The following MIPEP variants were observed in gnomAD, a reference collection of about 807,000 sequenced individuals.
The protein encoded by MIPEP is mitochondrial intermediate peptidase.
MIPEP carries 79 observed loss-of-function variants against 90.3 expected under a neutral mutation model. The ratio of observed to expected loss-of-function variants is 0.87; its 90% CI spans 0.73 to 1.05. The LOEUF (loss-of-function observed/expected upper bound fraction) is 1.05. Among genes scored for constraint, MIPEP ranks in the 50% least tolerant of loss-of-function variants. The probability of loss-of-function intolerance (pLI) is 0.00; values close to 1 mark genes in which losing one functional copy is unlikely to be tolerated. For missense variants in MIPEP, 940 were observed against 905.6 expected (o/e 1.04, Z -0.49); for synonymous variants, 334 against 315.8 (o/e 1.06, Z -0.61).
At chr13:23,824,711 C>A (rs1659907034) in intron 14 of MIPEP, among the ~76,000 whole-genome samples, 1 of 152,114 alleles carries the variant, frequency 6.6e-6, no homozygotes, top group African/African-American at 2.4e-5. Context: ...GGCACATAAT[C>A]AATAAAATAA....
intron 18 of MIPEP, among the ~76,000 whole-genome samples, chr13:23,753,857 G>C (rs1441987666): frequency 6.6e-6 from 1 of 152,080 alleles, no homozygotes; most frequent in Admixed American, 6.6e-5. Flanking sequence ...TTCCCTATTT[G>C]ACTTCTCTGA....
At chr13:23,748,028 T>C (rs1952402464) in intron 18 of MIPEP, among the ~76,000 whole-genome samples, 1 of 152,174 alleles carries the variant, frequency 6.6e-6, no homozygotes, top group African/African-American at 2.4e-5. Flanking sequence ...CATGAGCCAC[T>C]GTGCCTGGCC....
chr13:23,858,954 T>A, intron 9 of MIPEP, 42 bp from the exon 10 acceptor site: 1 of 1,556,114 alleles, frequency 6.4e-7, no homozygotes, highest in South Asian at 1.1e-5. Context: ...CTACTGACTC[T>A]TTCATAGTTT....
At chr13:23,889,047 A>G in intron 1 of MIPEP, 85 bp downstream of exon 1, 1 of 1,238,250 alleles carries the variant, frequency 8.1e-7, no homozygotes, top group Non-Finnish European at 1.0e-6. Flanking sequence ...AGGCCCAAAC[A>G]ATCTCGCCCT....
intron 14 of MIPEP, among the ~76,000 whole-genome samples, chr13:23,813,755 G>A (rs973863264): frequency 6.6e-6 from 1 of 152,088 alleles, no homozygotes; most frequent in Non-Finnish European, 1.5e-5. Flanking sequence ...ATGAGCCACC[G>A]TGTCCAGCCC....
At chr13:23,791,456 G>A (rs562483208) in intron 16 of MIPEP, among the ~76,000 whole-genome samples, 5 of 152,104 alleles carry the variant, frequency 3.3e-5, no homozygotes, top group African/African-American at 9.7e-5. Context: ...CCCTGCTTCC[G>A]ATTGACTGAG....
intron 10 of MIPEP, among the ~76,000 whole-genome samples, chr13:23,847,013 G>A (rs549816135): frequency 1.3e-5 from 2 of 152,030 alleles, no homozygotes; most frequent in African/African-American, 2.4e-5. Context: ...CCAAGGCTAC[G>A]ACAACAACTA....
intron 4 of MIPEP, among the ~76,000 whole-genome samples, chr13:23,878,273 A>G (rs1347419406): frequency 6.6e-6 from 1 of 152,232 alleles, no homozygotes; most frequent in African/African-American, 2.4e-5. Context: ...TAGCTTCACT[A>G]GTGTCCTGAG....
chr13:23,880,006 G>A (rs1871213006), intron 3 of MIPEP, among the ~76,000 whole-genome samples: 1 of 152,010 alleles, frequency 6.6e-6, no homozygotes, highest in South Asian at 2.1e-4. Flanking sequence ...CAAATGCCAT[G>A]GCCCCCTCAA....
chr13:23,881,241 C>T (rs1424728281), intron 3 of MIPEP, among the ~76,000 whole-genome samples: 1 of 152,186 alleles, frequency 6.6e-6, no homozygotes, highest in East Asian at 1.9e-4. Context: ...CTTCTCGCCC[C>T]GTGGCCCACA....
chr13:23,792,657 C>T (rs533240291), intron 16 of MIPEP, among the ~76,000 whole-genome samples: 22 of 152,312 alleles, frequency 1.4e-4, no homozygotes, highest in African/African-American at 4.8e-4. Context: ...GATGTCTGGC[C>T]GTCTTCTCCA....
At chr13:23,759,713 T>G (rs1275946860) in intron 17 of MIPEP, among the ~76,000 whole-genome samples, 1 of 152,196 alleles carries the variant, frequency 6.6e-6, no homozygotes, top group African/African-American at 2.4e-5. Flanking sequence ...TGCCTTGTTT[T>G]GCCTCCATTC....
intron 16 of MIPEP, 67 bp from the exon 17 acceptor site, chr13:23,760,284 A>G: frequency 6.2e-7 from 1 of 1,604,726 alleles, no homozygotes; most frequent in Non-Finnish European, 8.5e-7. Context: ...ATCACATGTG[A>G]GAACACAGTG....
At chr13:23,731,038 A>C (rs1216966031) in intron 18 of MIPEP, among the ~76,000 whole-genome samples, 1 of 152,240 alleles carries the variant, frequency 6.6e-6, no homozygotes, top group African/African-American at 2.4e-5. Flanking sequence ...AAGAAGATGT[A>C]GTAGAAGCAA....
At chr13:23,790,097 T>C (rs1952884537) in intron 16 of MIPEP, among the ~76,000 whole-genome samples, 1 of 152,196 alleles carries the variant, frequency 6.6e-6, no homozygotes, top group Non-Finnish European at 1.5e-5. Flanking sequence ...GGCTGGTTTC[T>C]CGCCAAATCC....
chr13:23,875,703 A>C (rs1274089988), intron 4 of MIPEP, among the ~76,000 whole-genome samples: 1 of 152,204 alleles, frequency 6.6e-6, no homozygotes, highest in Non-Finnish European at 1.5e-5. Flanking sequence ...GTGTACGTTT[A>C]TCGTATTACA....
chr13:23,734,246 T>C (rs1952235642), intron 18 of MIPEP, among the ~76,000 whole-genome samples: 1 of 152,202 alleles, frequency 6.6e-6, no homozygotes, highest in African/African-American at 2.4e-5. Context: ...CCTCCTCCTC[T>C]GTACAGGGTA....
intron 10 of MIPEP, among the ~76,000 whole-genome samples, chr13:23,842,968 G>GATATA (rs1205733773): frequency 4.0e-5 from 6 of 151,868 alleles, no homozygotes; most frequent in Admixed American, 2.0e-4. Flanking sequence ...TGTGGTGGCG[G>GATATA]GTGCCTGTAA....
intron 14 of MIPEP, among the ~76,000 whole-genome samples, chr13:23,816,999 T>A (rs1454106965): frequency 6.6e-6 from 1 of 152,168 alleles, no homozygotes; most frequent in Non-Finnish European, 1.5e-5. Context: ...GCCATCTGTA[T>A]CTCTCTGGAT....
Sources: allele counts gnomAD v4.1 joint callset (sites outside exome capture counted in the v4.1 genomes callset), GRCh38; gene constraint gnomAD v4.1.1; transcripts MANE v1.5; gene names NCBI Gene and HGNC (gene_info 2026-07-23, HGNC 2026-07-21).